EPB41L1: variants seen among roughly 807,000 people sequenced by gnomAD.
EPB41L1 encodes the protein erythrocyte membrane protein band 4.1 like 1.
In EPB41L1, 29 loss-of-function variants were observed where a neutral mutation model predicts 97.8. That is an observed-to-expected ratio of 0.30 (90% CI 0.22 to 0.40). The LOEUF (loss-of-function observed/expected upper bound fraction) is 0.40, where lower values mean the gene tolerates loss of function less well. Among genes scored for constraint, EPB41L1 ranks in the 10% least tolerant of loss-of-function variants. EPB41L1 has a pLI of 1.00. For synonymous variants in EPB41L1, 383 were observed against 459.2 expected (o/e 0.83, Z 2.12); for missense variants, 812 against 1,162.3 (o/e 0.70, Z 4.38).
At chr20:36,149,261 G>A (rs2059951842) in intron 2 of EPB41L1, among the ~76,000 whole-genome samples, 1 of 152,182 alleles carries the variant, frequency 6.6e-6, no homozygotes, top group Non-Finnish European at 1.5e-5. Context: ...CCCTTTGCCA[G>A]AGGTGAACAT....
chr20:36,161,558 C>A (rs891428068), intron 1 of EPB41L1, among the ~76,000 whole-genome samples: 1 of 151,950 alleles, frequency 6.6e-6, no homozygotes, highest in Non-Finnish European at 1.5e-5. Flanking sequence ...TCACTGCAAC[C>A]TCCGCCTCCC....
chr20:36,129,905 C>T (rs1165591448), intron 2 of EPB41L1, among the ~76,000 whole-genome samples: 1 of 151,194 alleles, frequency 6.6e-6, no homozygotes, highest in African/African-American at 2.4e-5. Flanking sequence ...GCCGGGATTA[C>T]AGAGTGTGCC....
chr20:36,168,396 T>A (rs1196447596), intron 1 of EPB41L1, among the ~76,000 whole-genome samples: 1 of 152,200 alleles, frequency 6.6e-6, no homozygotes, highest in South Asian at 2.1e-4. Flanking sequence ...GTTAGAAACA[T>A]CTCTTTTTCC....
chr20:36,187,840 G>A, intron 8 of EPB41L1, 77 bp downstream of exon 8: 2 of 1,298,436 alleles, frequency 1.5e-6, no homozygotes, highest in Non-Finnish European at 2.2e-6. Flanking sequence ...CCTAGGGCGT[G>A]GTGTGCCAGA....
At chr20:36,130,450 G>A (rs1393105895) in intron 2 of EPB41L1, among the ~76,000 whole-genome samples, 5 of 151,952 alleles carry the variant, frequency 3.3e-5, no homozygotes, top group Admixed American at 6.6e-5. Flanking sequence ...ATGTTGTATC[G>A]GAAGCTGCCT....
At chr20:36,201,216 A>G (rs568243732) in intron 14 of EPB41L1, among the ~76,000 whole-genome samples, 1 of 152,288 alleles carries the variant, frequency 6.6e-6, no homozygotes, top group East Asian at 1.9e-4. Context: ...CAGGACTGCA[A>G]CCATTCTGGG....
intron 2 of EPB41L1, among the ~76,000 whole-genome samples, chr20:36,133,050 C>T (rs879471523): frequency 1.3e-5 from 2 of 152,258 alleles, no homozygotes; most frequent in Non-Finnish European, 2.9e-5. Flanking sequence ...AAAATAATTA[C>T]ACAAGTGACT....
Position 36,093,773 on chromosome 20 carries a change from G to A in EPB41L1, c.-65+2161G>A, listed in dbSNP as rs1290028833. Among the ~76,000 whole-genome samples the A allele has an allele frequency of 2.0e-5, 3 of 152,106 alleles. No individual in the cohort carries two copies. Among genetic ancestry groups the A allele is most frequent in the Non-Finnish European group, 4.4e-5 (3 of 67,990 alleles). On this transcript the variant is annotated intron_variant, in intron 1 of 19. Coordinates refer to the EPB41L1 transcript ENST00000202028. The surrounding 1 kb of genome is among the most constrained non-coding windows in gnomAD (Gnocchi z 5.4). ...CGGGGTGGTGGTGGTAGCAACAGCA[G>A]TTTCCAGGCTGGTGACCAGCCGGTT...
chr20:36,224,845 G>A (rs1176076739), intron 21 of EPB41L1, among the ~76,000 whole-genome samples: 2 of 150,610 alleles, frequency 1.3e-5, no homozygotes, highest in African/African-American at 2.4e-5. Flanking sequence ...TTTTTGAGAC[G>A]GAGTCTCACT....
intron 16 of EPB41L1, among the ~76,000 whole-genome samples, chr20:36,213,935 G>C (rs1211224625): frequency 6.6e-6 from 1 of 152,056 alleles, no homozygotes; most frequent in Non-Finnish European, 1.5e-5. Context: ...GATCATCTCA[G>C]TTAGGAGGCA....
chr20:36,199,766 G>A (rs575418486), intron 14 of EPB41L1, among the ~76,000 whole-genome samples: 1 of 152,164 alleles, frequency 6.6e-6, no homozygotes, highest in East Asian at 1.9e-4. Flanking sequence ...TCCTGATGTG[G>A]GCTGGCCAAG....
chr20:36,222,434 G>A, intron 21 of EPB41L1, 40 bp downstream of exon 21: 1 of 1,492,442 alleles, frequency 6.7e-7, no homozygotes, highest in Non-Finnish European at 9.3e-7. Context: ...GAGAGAGGAG[G>A]GAGCAGTAGC....
chr20:36,139,482 G>A (rs924009944), intron 2 of EPB41L1, among the ~76,000 whole-genome samples: 5 of 152,150 alleles, frequency 3.3e-5, no homozygotes, highest in Admixed American at 6.5e-5. Context: ...AGAGTATAGT[G>A]TAATGCACTT....
intron 2 of EPB41L1, among the ~76,000 whole-genome samples, chr20:36,141,245 C>T (rs1230619348): frequency 1.3e-5 from 2 of 152,088 alleles, no homozygotes; most frequent in Admixed American, 6.6e-5. Context: ...GTTTTCTCAC[C>T]AATGGGAGGG....
intron 1 of EPB41L1, among the ~76,000 whole-genome samples, chr20:36,156,026 G>A (rs2060285329): frequency 6.6e-6 from 1 of 152,156 alleles, no homozygotes; most frequent in Non-Finnish European, 1.5e-5. Context: ...CCTGTCCCGG[G>A]CAAGGGTGTG....
At chr20:36,110,655 ACACAC>A (rs1481580430) in intron 1 of EPB41L1, 2 of 152,124 alleles carry the variant, frequency 1.3e-5, no homozygotes, top group African/African-American at 2.5e-5. Flanking sequence ...ACACACACAC[ACACAC>A]ACCATTGGCC....
At chr20:36,103,863 T>C (rs896804848) in intron 1 of EPB41L1, among the ~76,000 whole-genome samples, 1 of 152,028 alleles carries the variant, frequency 6.6e-6, no homozygotes, top group Non-Finnish European at 1.5e-5. Context: ...CCACCATGCC[T>C]GGCTAATTAT....
At chr20:36,218,787 G>A in intron 17 of EPB41L1, 89 bp from the exon 18 acceptor site, 1 of 1,177,640 alleles carries the variant, frequency 8.5e-7, no homozygotes, top group Non-Finnish European at 1.3e-6. Flanking sequence ...CAACCTTGTG[G>A]TCGTGATAGC....
chr20:36,126,369 T>A (rs1321235633), intron 2 of EPB41L1, among the ~76,000 whole-genome samples: 1 of 151,610 alleles, frequency 6.6e-6, no homozygotes, highest in Non-Finnish European at 1.5e-5. Flanking sequence ...TGGAATTTTT[T>A]TTTTTTTTTT....
Sources: gnomAD v4.1 joint callset for allele counts (sites outside exome capture counted in the v4.1 genomes callset) on GRCh38, gnomAD v4.1.1 for gene constraint, Gnocchi (gnomAD v3.1) non-coding constraint, MANE v1.5 for transcripts, NCBI Gene and HGNC (gene_info 2026-07-23, HGNC 2026-07-21) for gene names.